Variants in CUBN observed in about 807,000 individuals in gnomAD.
CUBN encodes 460 kDa receptor.
A neutral mutation model predicts 405.3 loss-of-function variants in CUBN; 282 were observed. That is an observed-to-expected ratio of 0.70 (90% confidence interval 0.63 to 0.77). CUBN has a LOEUF of 0.77. Ranked by LOEUF, CUBN falls within the 30% of genes least tolerant of loss-of-function variation. The probability of loss-of-function intolerance (pLI) is 0.00; values close to 1 mark genes in which losing one functional copy is unlikely to be tolerated. For synonymous variants in CUBN, 1,684 were observed against 1,617.0 expected (o/e 1.04, Z -0.99); for missense variants, 4,514 against 4,475.2 (o/e 1.01, Z -0.25).
intron 48 of CUBN, among the ~76,000 whole-genome samples, chr10:16,909,741 T>C (rs1841667365): frequency 1.3e-5 from 2 of 152,338 alleles, no homozygotes; most frequent in African/African-American, 4.8e-5. Flanking sequence ...CCCATCATTG[T>C]CCTCTAATCC....
At chr10:16,862,866 G>C (rs1456342718) in intron 59 of CUBN, among the ~76,000 whole-genome samples, 2 of 152,108 alleles carry the variant, frequency 1.3e-5, no homozygotes, top group African/African-American at 4.8e-5. Flanking sequence ...TCCCTTCAGT[G>C]TTTTTCAAAA....
chr10:16,975,970 CTT>C (rs536882786), intron 31 of CUBN, among the ~76,000 whole-genome samples: 43 of 131,822 alleles, frequency 3.3e-4, no homozygotes, highest in East Asian at 4.5e-4. Flanking sequence ...ACCTTTATTC[CTT>C]TTTTTTTTTT....
intron 58 of CUBN, among the ~76,000 whole-genome samples, chr10:16,872,448 C>G (rs1223595141): frequency 6.6e-6 from 1 of 151,794 alleles, no homozygotes; most frequent in Non-Finnish European, 1.5e-5. Flanking sequence ...TTGTGTTCCC[C>G]TAAATTCATA....
intron 31 of CUBN, among the ~76,000 whole-genome samples, chr10:16,974,887 C>T (rs1484764290): frequency 6.6e-6 from 1 of 152,086 alleles, no homozygotes; most frequent in African/African-American, 2.4e-5. Context: ...TTACAGTTTT[C>T]TTGATAGCAT....
chr10:16,837,669 T>G (rs1314259797), intron 62 of CUBN, among the ~76,000 whole-genome samples: 1 of 152,132 alleles, frequency 6.6e-6, no homozygotes, highest in Non-Finnish European at 1.5e-5. Flanking sequence ...GTAACCACCC[T>G]ACACATCATT....
intron 28 of CUBN, among the ~76,000 whole-genome samples, chr10:17,010,310 C>T (rs1834146175): frequency 6.6e-6 from 1 of 152,206 alleles, no homozygotes; most frequent in Non-Finnish European, 1.5e-5. Flanking sequence ...AATCCAATCC[C>T]TGCATTTAAC....
chr10:17,036,629 CT>C lies in CUBN; in HGVS notation c.4017+4403del, dbSNP rs1834907138. ...GGGGGCTGAAGGGAAAACGTTCCAG[CT>C]TCCAAGATGGGGAAAGATTCATTCT... On this transcript the variant is annotated intron_variant, in intron 27 of 66. Transcript: ENST00000377833. Among the ~76,000 whole-genome samples, 3 of 152,154 alleles carry C rather than the reference CT, an allele frequency of 2.0e-5. No individual in the cohort carries two copies. The South Asian group carries it at 6.2e-4, about 32-fold the overall frequency.
chr10:16,884,507 A>G (rs11254261), intron 56 of CUBN, among the ~76,000 whole-genome samples: 8,345 of 152,220 alleles, frequency 0.055, 774 homozygotes, highest in East Asian at 0.32. Flanking sequence ...TAATAATACC[A>G]GATTCCAAAA....
chr10:17,085,177 G>A (rs1356569166), intron 16 of CUBN, among the ~76,000 whole-genome samples: 1 of 152,154 alleles, frequency 6.6e-6, no homozygotes, highest in Non-Finnish European at 1.5e-5. Context: ...TGGAAGTGAA[G>A]CTCTAGAGTC....
chr10:17,128,905 T>A (rs945811597), intron 2 of CUBN, among the ~76,000 whole-genome samples: 1 of 152,230 alleles, frequency 6.6e-6, no homozygotes, highest in Non-Finnish European at 1.5e-5. Context: ...GAACAATTCA[T>A]ATGTTCTTAG....
At chr10:17,067,149 A>G (rs1835628286) in intron 21 of CUBN, among the ~76,000 whole-genome samples, 2 of 152,182 alleles carry the variant, frequency 1.3e-5, no homozygotes, top group African/African-American at 4.8e-5. Context: ...GACGTGGGAA[A>G]GTATAACTCA....
rs1387518193 is a variant in CUBN, at chr10:16,899,186, G to A, written c.8411-3C>T. ...AGAATGAAATATTCCACCACAACCT[G>A]AAATATTGCCATGTAAAAAGCCATC... is the stretch of plus-strand genomic sequence containing the variant. On this transcript the variant is annotated splice_polypyrimidine_tract_variant and splice_region_variant and intron_variant, in intron 53 of 66. Coordinates refer to ENST00000377833, the MANE Select transcript of CUBN (RefSeq NM_001081.4). The A allele has an allele frequency of 3.1e-6, 5 of 1,612,412 alleles. No homozygotes were observed. Among genetic ancestry groups the A allele is most frequent in the Non-Finnish European group, 3.4e-6 (4 of 1,178,450 alleles).
chr10:17,050,198 TA>T lies in CUBN; in HGVS notation c.3140-2596del, dbSNP rs199826278. ...ATCCTGGTTGGCTGAGGTTCTTTAATATTTTTTTAATTCCAGCTATGACAAG... is the reference window on the plus strand; with the variant it reads ...ATCCTGGTTGGCTGAGGTTCTTTAATTTTTTTTAATTCCAGCTATGACAAG... On this transcript the variant is annotated intron_variant, in intron 22 of 66. Transcript: ENST00000377833. 3.0e-4 allele frequency among the ~76,000 whole-genome samples: 46 copies of T among 152,334 alleles called. 1 individual carries two copies. The East Asian group carries it at 8.3e-3, about 27-fold the overall frequency.
At chr10:17,013,315 T>C (rs1359029322) in intron 28 of CUBN, among the ~76,000 whole-genome samples, 1 of 151,994 alleles carries the variant, frequency 6.6e-6, no homozygotes, top group East Asian at 1.9e-4. Context: ...TCTCTGTCTC[T>C]CTGTCTCTTC....
At chr10:17,100,625 C>G (rs1836474457) in intron 13 of CUBN, among the ~76,000 whole-genome samples, 1 of 152,134 alleles carries the variant, frequency 6.6e-6, no homozygotes, top group African/African-American at 2.4e-5. Context: ...TTACCATTCA[C>G]AAGAATGTAC....
intron 15 of CUBN, among the ~76,000 whole-genome samples, chr10:17,087,048 T>C (rs1564510118): frequency 6.6e-6 from 1 of 152,226 alleles, no homozygotes; most frequent in Non-Finnish European, 1.5e-5. Flanking sequence ...AGGTTTCAAA[T>C]CCATTATTGC....
chr10:17,076,500 A>C (rs1039550881), intron 17 of CUBN, among the ~76,000 whole-genome samples: 3 of 130,874 alleles, frequency 2.3e-5, no homozygotes, highest in Non-Finnish European at 4.9e-5. Context: ...AAAAAAAAAA[A>C]ACCTCTTTCC....
chr10:16,859,180 A>G (rs182596996), intron 59 of CUBN, among the ~76,000 whole-genome samples: 216 of 152,334 alleles, frequency 1.4e-3, no homozygotes, highest in African/African-American at 5.1e-3. Flanking sequence ...CAAGAAAATT[A>G]AAAGGCAAGA....
chr10:17,043,807 C>T lies in CUBN; in HGVS notation c.3829+20G>A, dbSNP rs1309600039. 1 of 1,611,760 alleles carries T rather than the reference C, an allele frequency of 6.2e-7. No individual in the cohort carries two copies. Among genetic ancestry groups the T allele is most frequent in the African/African-American group, 1.3e-5 (1 of 74,770 alleles). ...TACTCTGCCAGTATACACACTTACT[C>T]TGCCGGTATTCACACTTACTCTGCC... On this transcript the variant is annotated intron_variant, in intron 26 of 66. Transcript: ENST00000377833.
Sources: gnomAD v4.1 joint callset for allele counts (sites outside exome capture counted in the v4.1 genomes callset) on GRCh38, gnomAD v4.1.1 for gene constraint, MANE v1.5 for transcripts, NCBI Gene and HGNC (gene_info 2026-07-23, HGNC 2026-07-21) for gene names.